Variants in LUZP2 observed in about 807,000 individuals in gnomAD.
LUZP2 encodes leucine zipper protein 2.
In LUZP2, 52 loss-of-function variants were observed where a neutral mutation model predicts 51.6. That is an observed-to-expected ratio of 1.01 (90% CI 0.81 to 1.27). LUZP2 has a LOEUF of 1.27. Ranked by LOEUF, LUZP2 falls within the 50% of genes most tolerant of loss-of-function variation. The probability of loss-of-function intolerance (pLI) is 0.00; values close to 1 mark genes in which losing one functional copy is unlikely to be tolerated. For missense variants in LUZP2, 436 were observed against 395.4 expected (o/e 1.10, Z -0.87); for synonymous variants, 154 against 137.3 (o/e 1.12, Z -0.85).
chr11:24,535,992 C>T (rs1357162353), intron 1 of LUZP2, among the ~76,000 whole-genome samples: 1 of 151,674 alleles, frequency 6.6e-6, no homozygotes, highest in Non-Finnish European at 1.5e-5. Flanking sequence ...GACATAAAAG[C>T]AACGTTAATC....
chr11:24,902,813 A>T (rs1408269452), intron 5 of LUZP2, among the ~76,000 whole-genome samples: 2 of 152,184 alleles, frequency 1.3e-5, no homozygotes. Context: ...AATTTATATC[A>T]TTCAGATCAA....
intron 1 of LUZP2, among the ~76,000 whole-genome samples, chr11:24,709,010 T>C (rs551662456): frequency 4.6e-5 from 7 of 152,314 alleles, no homozygotes; most frequent in Non-Finnish European, 1.0e-4. Flanking sequence ...GGGACTGGTG[T>C]GTCATGTTTC....
intron 10 of LUZP2, among the ~76,000 whole-genome samples, chr11:25,055,081 G>A (rs2134029788): frequency 6.8e-6 from 1 of 147,658 alleles, no homozygotes; most frequent in South Asian, 2.1e-4. Flanking sequence ...CGCGATCTCG[G>A]CTCACTGCAA....
At chr11:24,850,512 T>A (rs1851358853) in intron 5 of LUZP2, among the ~76,000 whole-genome samples, 2 of 151,276 alleles carry the variant, frequency 1.3e-5, no homozygotes, top group South Asian at 4.2e-4. Flanking sequence ...CATGCTGTTT[T>A]GGTTACTGTA....
intron 1 of LUZP2, among the ~76,000 whole-genome samples, chr11:24,708,270 C>T (rs1460019255): frequency 2.6e-5 from 4 of 152,182 alleles, no homozygotes; most frequent in Non-Finnish European, 4.4e-5. Context: ...CTAATCTCTT[C>T]CACAAGAAAA....
chr11:24,997,578 A>C (rs1335742637), intron 9 of LUZP2, among the ~76,000 whole-genome samples: 1 of 151,894 alleles, frequency 6.6e-6, no homozygotes, highest in African/African-American at 2.4e-5. Flanking sequence ...TTGCCTGTTC[A>C]CTCTGATGGT....
intron 5 of LUZP2, among the ~76,000 whole-genome samples, chr11:24,840,553 G>T (rs1273038952): frequency 6.6e-6 from 1 of 151,898 alleles, no homozygotes; most frequent in East Asian, 1.9e-4. Context: ...TATGAAGCTT[G>T]TAAAATATAT....
chr11:24,636,931 T>A (rs1855125580), intron 1 of LUZP2, among the ~76,000 whole-genome samples: 2 of 151,768 alleles, frequency 1.3e-5, no homozygotes, highest in Non-Finnish European at 1.5e-5. Context: ...TAAAAAAAGA[T>A]GCTTCAATTG....
intron 5 of LUZP2, among the ~76,000 whole-genome samples, chr11:24,772,475 T>C (rs930765829): frequency 1.4e-4 from 22 of 152,322 alleles, no homozygotes; most frequent in African/African-American, 5.3e-4. Flanking sequence ...CAAGAGGTTT[T>C]TAAGATATTT....
At chr11:24,545,555 C>CTTTT (rs3992984) in intron 1 of LUZP2, among the ~76,000 whole-genome samples, 21,788 of 120,586 alleles carry the variant, frequency 0.18, 2,911 homozygotes, top group Middle Eastern at 0.25. Context: ...TTGTTGCTTG[C>CTTTT]TTTTTTTTTT....
At chr11:24,996,450 G>C (rs1565204926) in intron 9 of LUZP2, among the ~76,000 whole-genome samples, 1 of 151,466 alleles carries the variant, frequency 6.6e-6, no homozygotes, top group Non-Finnish European at 1.5e-5. Context: ...GAAACTTCTG[G>C]GGTTTCCACA....
At chr11:24,551,784 T>A (rs1028355151) in intron 1 of LUZP2, among the ~76,000 whole-genome samples, 6 of 152,036 alleles carry the variant, frequency 3.9e-5, no homozygotes, top group African/African-American at 1.4e-4. Flanking sequence ...GGCTATTTTT[T>A]AAAATTGCTA....
chr11:24,984,373 T>A (rs936884469), intron 9 of LUZP2, among the ~76,000 whole-genome samples: 5 of 151,076 alleles, frequency 3.3e-5, no homozygotes, highest in Non-Finnish European at 5.9e-5. Flanking sequence ...ATACTGTTTT[T>A]ATGTGTAACT....
At chr11:24,588,048 C>T (rs1177769613) in intron 1 of LUZP2, among the ~76,000 whole-genome samples, 1 of 151,904 alleles carries the variant, frequency 6.6e-6, no homozygotes, top group Non-Finnish European at 1.5e-5. Flanking sequence ...ATAGAAGATA[C>T]CTTTTTATTT....
intron 7 of LUZP2, among the ~76,000 whole-genome samples, chr11:24,963,750 C>T (rs562550757): frequency 6.6e-5 from 10 of 152,228 alleles, no homozygotes; most frequent in African/African-American, 1.7e-4. Context: ...TGCTTCGGCT[C>T]GTGCACGGTG....
At chr11:25,016,305 C>A (rs1857153873) in intron 9 of LUZP2, among the ~76,000 whole-genome samples, 2 of 152,130 alleles carry the variant, frequency 1.3e-5, no homozygotes, top group Middle Eastern at 3.4e-3. Flanking sequence ...ACCCTTCTTC[C>A]AACCTTCCCC....
chr11:24,736,117 T>C (rs1409115606), intron 3 of LUZP2, among the ~76,000 whole-genome samples: 1 of 151,962 alleles, frequency 6.6e-6, no homozygotes, highest in Non-Finnish European at 1.5e-5. Flanking sequence ...AATTTGTTTT[T>C]TGTCCTGTTC....
chr11:24,826,926 T>TCA (rs59163549), intron 5 of LUZP2, among the ~76,000 whole-genome samples: 112,907 of 151,650 alleles, frequency 0.74, 42,879 homozygotes, highest in Middle Eastern at 0.85. Context: ...AAATGAGGAG[T>TCA]TAATATGCAA....
At chr11:24,970,761 C>G (rs1855716553) in intron 7 of LUZP2, among the ~76,000 whole-genome samples, 1 of 152,140 alleles carries the variant, frequency 6.6e-6, no homozygotes, top group Non-Finnish European at 1.5e-5. Flanking sequence ...GAATCTAGCT[C>G]TACTTAAGGT....
Sources: gnomAD v4.1 joint callset for allele counts (sites outside exome capture counted in the v4.1 genomes callset) on GRCh38, gnomAD v4.1.1 for gene constraint, MANE v1.5 for transcripts, NCBI Gene and HGNC (gene_info 2026-07-23, HGNC 2026-07-21) for gene names.